The following COL27A1 variants were observed in gnomAD, a reference collection of about 807,000 sequenced individuals.
COL27A1 encodes collagen type XXVII alpha 1 chain, also known as collagen alpha-1(XXVII) chain.
Under a neutral mutation model 251.3 loss-of-function variants are expected in COL27A1, and 106 were observed. That is an observed-to-expected ratio of 0.42 (90% CI 0.36 to 0.50). COL27A1 has a LOEUF of 0.50. Among genes scored for constraint, COL27A1 ranks in the 20% least tolerant of loss-of-function variants. The probability of loss-of-function intolerance (pLI) is 0.00; values close to 1 mark genes in which losing one functional copy is unlikely to be tolerated. For synonymous variants in COL27A1, 1,000 were observed against 986.3 expected (o/e 1.01, Z -0.26); for missense variants, 2,325 against 2,522.8 (o/e 0.92, Z 1.68).
chr9:114,303,138 A>G (rs1024752854), intron 56 of COL27A1, among the ~76,000 whole-genome samples: 4 of 152,124 alleles, frequency 2.6e-5, no homozygotes, highest in Non-Finnish European at 5.9e-5. Flanking sequence ...ACAGAAAATT[A>G]GAGGATTTTG....
chr9:114,300,708 C>A, intron 51 of COL27A1, 21 bp downstream of exon 51: 2 of 1,489,372 alleles, frequency 1.3e-6, no homozygotes, highest in South Asian at 2.8e-5. Context: ...TCCCTGCTGT[C>A]GGAGCAGAGA....
At chr9:114,196,449 G>C (rs1829139244) in intron 7 of COL27A1, among the ~76,000 whole-genome samples, 1 of 152,184 alleles carries the variant, frequency 6.6e-6, no homozygotes, top group South Asian at 2.1e-4. Context: ...CCCCGTCTCT[G>C]ACCCTGCACA....
rs117685812 is a variant in COL27A1 at position 114,176,776 on chromosome 9, C to T, written c.1909-1515C>T. On this transcript the variant is annotated intron_variant, in intron 3 of 60. Transcript: ENST00000356083. ...CACAAAACAGACCCTCCTCCTTCTG[C>T]TCAGGGCTCTTGCCCAGTGACCTTG... Among the ~76,000 whole-genome samples, 427 of 152,306 alleles carry T rather than the reference C, an allele frequency of 2.8e-3. 4 individuals carry two copies. Among genetic ancestry groups the T allele is most frequent in the Admixed American group, 0.012 (190 of 15,306 alleles).
At chr9:114,157,019 A>G (rs542128757) in intron 1 of COL27A1, among the ~76,000 whole-genome samples, 1 of 148,062 alleles carries the variant, frequency 6.8e-6, no homozygotes, top group Non-Finnish European at 1.5e-5. Context: ...TTTCTTCCCC[A>G]TGTCTTGGAA....
Position 114,265,445 on chromosome 9 carries a change from C to G in COL27A1, c.3363C>G (p.Pro1121=). 6.2e-7 allele frequency: 1 copy of G among 1,613,918 alleles called. No individual in the cohort carries two copies. The highest frequency in any genetic ancestry group is 8.5e-7 in the Non-Finnish European group (1 of 1,179,958). ...GFPGIPGPSG[P]PGTKGLPGEP... Reference sequence around the variant, plus strand: ...AGGGCATCCCGGGTCCCTCAGGCCCCCCAGGCACCAAGGGCCTCCCAGGAG... The same window carrying G: ...AGGGCATCCCGGGTCCCTCAGGCCCGCCAGGCACCAAGGGCCTCCCAGGAG... Residue 1121 remains proline (P), a synonymous_variant, in exon 32 of 61, where the codon CCC becomes CCG. Transcript: ENST00000356083.
chr9:114,300,191 A>T (rs1323758247), intron 50 of COL27A1, 68 bp downstream of exon 50: 1 of 1,474,906 alleles, frequency 6.8e-7, no homozygotes, highest in Non-Finnish European at 9.5e-7. Context: ...TCATTTATTC[A>T]TTCAACAAAT....
At chr9:114,307,379 C>G in intron 58 of COL27A1, 1 of 349,414 alleles carries the variant, frequency 2.9e-6, no homozygotes, top group Non-Finnish European at 5.3e-6. Context: ...GCAAGTGACC[C>G]AGCCTCTCTC....
Position 114,270,743 on chromosome 9 carries a change from G to C in COL27A1, c.3571G>C (p.Glu1191Gln). Residue 1191 changes from glutamate (E) to glutamine (Q), a missense_variant, in exon 36 of 61, where the codon GAG becomes CAG. Glu to Gln is a conservative substitution (Grantham distance 29). Transcript: ENST00000356083. ...LIGQRGEPGL[E>Q]GDSGPMGPDG... ...CCTTTTCCAGGGAGAGCCAGGCCTT[G>C]AGGGTGACAGTGGCCCCATGGGACC... is the stretch of plus-strand genomic sequence containing the variant. 6.2e-7 allele frequency: 1 copy of C among 1,613,026 alleles called. No homozygotes were observed.
At chr9:114,297,981 A>T (rs1828369049) in intron 49 of COL27A1, among the ~76,000 whole-genome samples, 1 of 152,174 alleles carries the variant, frequency 6.6e-6, no homozygotes, top group Non-Finnish European at 1.5e-5. Flanking sequence ...CATCAAAGAG[A>T]ATAAAATAGG....
rs770974127 is a variant in COL27A1, at chr9:114,252,658, G to C, written c.3087+12G>C. 4.3e-6 allele frequency: 7 copies of C among 1,612,828 alleles called. No homozygotes were observed. The highest frequency in any genetic ancestry group is 5.9e-6 in the Non-Finnish European group (7 of 1,179,118). ...CCAAGGGGTCGATGGTAAGGAGTAA[G>C]TCTGCATCCTCTTGCCCTCTCCTGT... On this transcript the variant is annotated intron_variant, in intron 26 of 60. Coordinates refer to ENST00000356083, the MANE Select transcript of COL27A1 (RefSeq NM_032888.4).
intron 35 of COL27A1, among the ~76,000 whole-genome samples, chr9:114,269,634 A>AAAG (rs58963756): frequency 0.15 from 17,183 of 111,526 alleles, 2,236 homozygotes; most frequent in Middle Eastern, 0.22. Context: ...AAAAAAAAAA[A>AAAG]AAGAAGAAGA....
Position 114,246,232 on chromosome 9 carries a change from GTCGTTGC to G in COL27A1, c.2979+327_2979+333del, listed in dbSNP as rs1833121916. On this transcript the variant is annotated intron_variant, in intron 24 of 60. Coordinates refer to ENST00000356083, the MANE Select transcript of COL27A1 (RefSeq NM_032888.4). Reference sequence around the variant, plus strand: ...ATTAAAACTGGAGGAGCCCTTGGCAGTCGTTGCTCGTGTTCCCATCAGCTTATAGATC... The same window carrying G: ...ATTAAAACTGGAGGAGCCCTTGGCAGTCGTGTTCCCATCAGCTTATAGATC... 5 of 266,702 alleles carry G rather than the reference GTCGTTGC, an allele frequency of 1.9e-5. No individual in the cohort carries two copies. In the South Asian group the frequency reaches 3.7e-4, roughly 20 times the overall value. The allele number at this position is 266,702 out of a possible 1,614,324, so 16.5% of individuals were successfully genotyped here.
At chr9:114,283,310 G>C (rs549577905) in intron 39 of COL27A1, among the ~76,000 whole-genome samples, 1 of 152,228 alleles carries the variant, frequency 6.6e-6, no homozygotes, top group Admixed American at 6.5e-5. Context: ...ATAACCTCAT[G>C]AGTGTAGGTA....
Position 114,187,100 on chromosome 9 carries a change from G to A in COL27A1, c.2016+4025G>A, listed in dbSNP as rs138503138. On this transcript the variant is annotated intron_variant, in intron 5 of 60. Transcript: ENST00000356083. ...CTGGGAAGGAGATGTGGTCAGCAGA[G>A]GGCAGGCTCCATGGCCCAGGTGGCT... Among the ~76,000 whole-genome samples, 4 of 152,374 alleles carry A rather than the reference G, an allele frequency of 2.6e-5. No homozygotes were observed. The East Asian group carries it at 7.7e-4, about 29-fold the overall frequency.
rs78487758 is a variant in COL27A1 at position 114,176,139 on chromosome 9, C to G, written c.1909-2152C>G. Among the ~76,000 whole-genome samples, 426 of 152,296 alleles carry G rather than the reference C, an allele frequency of 2.8e-3. 12 individuals carry two copies. The South Asian group carries it at 0.042, about 15-fold the overall frequency. ...TGTGGCACTGGGCAAGTCACTTTTC[C>G]TCTCTGAACCTCTCTCTGGTTTCTT... On this transcript the variant is annotated intron_variant, in intron 3 of 60. Transcript: ENST00000356083.
intron 31 of COL27A1, 118 bp downstream of exon 31, chr9:114,265,228 C>T (rs1834655663): frequency 5.0e-6 from 6 of 1,210,396 alleles, no homozygotes; most frequent in Non-Finnish European, 4.8e-6. Context: ...GGAAACCCCG[C>T]AGGTTCTGGT....
chr9:114,262,987 G>A (rs1834457337), intron 28 of COL27A1, among the ~76,000 whole-genome samples: 1 of 145,160 alleles, frequency 6.9e-6, no homozygotes, highest in Non-Finnish European at 1.5e-5. Context: ...CGCCCAGGGT[G>A]GAGTGCAGTG....
Position 114,264,967 on chromosome 9 carries a change from A to G in COL27A1, c.3293A>G (p.Gln1098Arg). 6.2e-7 allele frequency: 1 copy of G among 1,613,060 alleles called. No individual in the cohort carries two copies. Among genetic ancestry groups the G allele is most frequent in the Non-Finnish European group, 8.5e-7 (1 of 1,179,396 alleles). ...PQGRPGRPGQ[Q>R]GVAGERGHLG... ...GGCAGACCGGGCCGGCCTGGACAGCAGGTATGTCAGGCCAAGGCCAAGCAG... is the reference window on the plus strand; with the variant it reads ...GGCAGACCGGGCCGGCCTGGACAGCGGGTATGTCAGGCCAAGGCCAAGCAG... Residue 1098 changes from glutamine to arginine, a missense_variant and splice_region_variant, in exon 30 of 61, where the codon CAG (glutamine) becomes CGG (arginine). By Grantham distance (43) the Gln-to-Arg change is conservative. Around this residue, in one of 4 missense-constraint regions of COL27A1, gnomAD observed 662 missense variants for 795.3 expected, o/e 0.83. Coordinates refer to ENST00000356083, the MANE Select transcript of COL27A1 (RefSeq NM_032888.4).
At chr9:114,251,547 C>A (rs928767047) in intron 25 of COL27A1, among the ~76,000 whole-genome samples, 2 of 152,026 alleles carry the variant, frequency 1.3e-5, no homozygotes, top group Non-Finnish European at 2.9e-5. Flanking sequence ...CAAGAAGTTG[C>A]AAAAAATAGT....
Sources: gnomAD v4.1 joint callset for allele counts (sites outside exome capture counted in the v4.1 genomes callset) on GRCh38, gnomAD v4.1.1 for gene constraint, gnomAD v4.1.1 regional missense constraint, MANE v1.5 for transcripts, NCBI Gene and HGNC (gene_info 2026-07-23, HGNC 2026-07-21) for gene names.